Variants in APPL1 observed in about 807,000 individuals in gnomAD.
APPL1 encodes adaptor protein, phosphotyrosine interacting with PH domain and leucine zipper 1.
APPL1 carries 42 observed loss-of-function variants against 106.8 expected under a neutral mutation model. The observed-to-expected ratio is 0.39, with a 90% confidence interval of 0.31 to 0.51. The LOEUF (loss-of-function observed/expected upper bound fraction) is 0.51, where lower values mean the gene tolerates loss of function less well. Ranked by LOEUF, APPL1 falls within the 20% of genes least tolerant of loss-of-function variation. APPL1 has a pLI of 0.75. For missense variants in APPL1, 769 were observed against 858.2 expected (o/e 0.90, Z 1.30); for synonymous variants, 263 against 281.8 (o/e 0.93, Z 0.67).
At chr3:57,260,504 A>G in intron 18 of APPL1, 124 bp from the exon 19 acceptor site, 1 of 887,754 alleles carries the variant, frequency 1.1e-6, no homozygotes, top group South Asian at 3.1e-5. Context: ...CAAGTCTGTT[A>G]AAATAATTGG....
chr3:57,250,513 G>A (rs1484708216), intron 11 of APPL1, among the ~76,000 whole-genome samples: 1 of 152,102 alleles, frequency 6.6e-6, no homozygotes, highest in East Asian at 1.9e-4. Flanking sequence ...CATGGAAAAT[G>A]TAAAAAGGAG....
At chr3:57,235,238 T>C (rs1445377067) in intron 1 of APPL1, among the ~76,000 whole-genome samples, 2 of 152,224 alleles carry the variant, frequency 1.3e-5, no homozygotes, top group African/African-American at 2.4e-5. Flanking sequence ...AAAATATTTA[T>C]ACTACATGGA....
At chr3:57,243,890 A>G (rs936999536) in intron 7 of APPL1, among the ~76,000 whole-genome samples, 2 of 152,150 alleles carry the variant, frequency 1.3e-5, no homozygotes, top group African/African-American at 4.8e-5. Flanking sequence ...TGAGCACCTA[A>G]TATACGTCAA....
intron 16 of APPL1, among the ~76,000 whole-genome samples, chr3:57,259,604 G>A (rs2060854696): frequency 6.6e-6 from 1 of 151,984 alleles, no homozygotes; most frequent in Non-Finnish European, 1.5e-5. Context: ...CCTCAGAACT[G>A]CCAGTTGTTG....
rs2060959324 is a variant in APPL1, at chr3:57,273,302, G to A, written c.*3615G>A. On this transcript the variant is annotated 3_prime_UTR_variant, in exon 22 of 22. Transcript: ENST00000288266. The stretch of plus-strand genomic sequence containing the variant: ...GTTTCACTTTAGAATTGGATTTGAA[G>A]AACTCGACTTTATGTGATCATGGTA... 1 of 152,596 alleles carries A rather than the reference G, an allele frequency of 6.6e-6. No individual in the cohort carries two copies. Among genetic ancestry groups the A allele is most frequent in the Non-Finnish European group, 1.5e-5 (1 of 68,026 alleles). 9.5% of individuals were successfully genotyped at this position (152,596 alleles called of 1,614,324 possible).
chr3:57,242,399 T>C (rs2060751397), intron 6 of APPL1, among the ~76,000 whole-genome samples: 1 of 152,136 alleles, frequency 6.6e-6, no homozygotes, highest in African/African-American at 2.4e-5. Flanking sequence ...CTTCTTGTTC[T>C]TTTATATATC....
At chr3:57,260,431 A>C (rs2060859069) in intron 18 of APPL1, 197 bp from the exon 19 acceptor site, 1 of 555,036 alleles carries the variant, frequency 1.8e-6, no homozygotes, top group Admixed American at 3.8e-5. Context: ...CAAATGTAAT[A>C]TTCAACAACC....
chr3:57,236,406 G>A (rs2060717051), intron 2 of APPL1, among the ~76,000 whole-genome samples: 1 of 149,298 alleles, frequency 6.7e-6, no homozygotes, highest in Non-Finnish European at 1.5e-5. Flanking sequence ...TCAGCTCACT[G>A]CACCCTCCAC....
intron 7 of APPL1, among the ~76,000 whole-genome samples, chr3:57,245,705 G>A (rs2060770061): frequency 6.6e-6 from 1 of 151,940 alleles, no homozygotes; most frequent in Non-Finnish European, 1.5e-5. Context: ...ACTGCACCTG[G>A]CTAATTTTTT....
intron 20 of APPL1, chr3:57,268,118 C>T (rs1222387667): frequency 6.5e-6 from 3 of 460,292 alleles, no homozygotes; most frequent in Non-Finnish European, 7.6e-6. Flanking sequence ...ATCCAAGATG[C>T]TTGATTTTCC....
chr3:57,265,742 T>G (rs1213276608), intron 19 of APPL1, among the ~76,000 whole-genome samples: 1 of 152,160 alleles, frequency 6.6e-6, no homozygotes, highest in Non-Finnish European at 1.5e-5. Context: ...ATGCCTTTTT[T>G]CCTCTCTTAC....
rs1389716212 is a variant in APPL1, at chr3:57,227,767, G to C, written c.-117G>C. Reference sequence around the variant, plus strand: ...GCGCCTGGAGAAGGCTGTGCGGGCGGGGACGGCTGCAGCCCTTGCCGGAGA... The same window carrying C: ...GCGCCTGGAGAAGGCTGTGCGGGCGCGGACGGCTGCAGCCCTTGCCGGAGA... On this transcript the variant is annotated 5_prime_UTR_variant, in exon 1 of 22. Coordinates refer to ENST00000288266, the MANE Select transcript of APPL1 (RefSeq NM_012096.3). 1 of 862,610 alleles carries C rather than the reference G, an allele frequency of 1.2e-6. No homozygotes were observed. The highest frequency in any genetic ancestry group is 3.5e-5 in the East Asian group (1 of 28,450). 53.4% of individuals were successfully genotyped at this position (862,610 alleles called of 1,614,324 possible).
intron 4 of APPL1, among the ~76,000 whole-genome samples, chr3:57,239,101 G>A (rs1263859315): frequency 6.6e-6 from 1 of 152,160 alleles, no homozygotes; most frequent in African/African-American, 2.4e-5. Flanking sequence ...AAGTGAAAGG[G>A]GAACCTCTTA....
intron 12 of APPL1, among the ~76,000 whole-genome samples, 197 bp downstream of exon 12, chr3:57,252,508 G>T (rs192545720): frequency 2.6e-5 from 4 of 152,106 alleles, no homozygotes; most frequent in African/African-American, 9.7e-5. Context: ...TTTTATAGTG[G>T]GAGGGACCTT....
At chr3:57,261,933 A>AT (rs1319223115) in intron 19 of APPL1, among the ~76,000 whole-genome samples, 1 of 151,994 alleles carries the variant, frequency 6.6e-6, no homozygotes, top group African/African-American at 2.4e-5. Flanking sequence ...AACATCTGCT[A>AT]TTTTTTGTCT....
In APPL1 at chr3:57,268,402, G is replaced by T. The variant is rs138693457; in HGVS notation, c.1898G>T (p.Arg633Leu). The change falls in exon 21 of 22, where the codon CGT (arginine) becomes CTT (leucine). Residue 633 changes from arginine to leucine, a missense_variant. By Grantham distance (102) the Arg-to-Leu change is moderately radical. Transcript: ENST00000288266. Reference protein sequence around the residue: ...KQIALHAELDRRASEKQKEIE... With the variant: ...KQIALHAELDLRASEKQKEIE... ...TTTTATTCATCTGTTCTTTAGGATC[G>T]TAGGGCATCAGAAAAACAAAAAGAA... 1.3e-6 allele frequency: 2 copies of T among 1,570,960 alleles called. No homozygotes were observed. Among genetic ancestry groups the T allele is most frequent in the Admixed American group, 1.7e-5 (1 of 57,172 alleles).
chr3:57,259,374 G>A (rs904173123), intron 16 of APPL1, among the ~76,000 whole-genome samples: 4 of 152,148 alleles, frequency 2.6e-5, no homozygotes, highest in African/African-American at 9.7e-5. Context: ...TGGTACTGGA[G>A]CATAAATTTT....
At chr3:57,261,349 C>A (rs2060864267) in intron 19 of APPL1, among the ~76,000 whole-genome samples, 1 of 152,084 alleles carries the variant, frequency 6.6e-6, no homozygotes, top group Non-Finnish European at 1.5e-5. Flanking sequence ...TTTCTTTATT[C>A]ATTTATCTGT....
At position 57,248,198 on chromosome 3, in the gene APPL1, G is replaced by T. The variant is rs1398391392; in HGVS notation, c.710G>T (p.Arg237Leu). Reference sequence around the variant, plus strand: ...AATAATCTGTTCTGTGTCAGTGTTCGCAGGGAAATGGACAGTGATATAGAG... The same window carrying T: ...AATAATCTGTTCTGTGTCAGTGTTCTCAGGGAAATGGACAGTGATATAGAG... ...ANIGTSVQNV[R>L]REMDSDIETM... Residue 237 changes from arginine to leucine, a missense_variant, in exon 10 of 22, where the codon CGC (arginine) becomes CTC (leucine). Physicochemically the swap from Arg to Leu is moderately radical, Grantham distance 102 (BLOSUM62 -2). Transcript: ENST00000288266. The T allele has an allele frequency of 6.2e-7, 1 of 1,611,460 alleles. No individual in the cohort carries two copies. Among genetic ancestry groups the T allele is most frequent in the Non-Finnish European group, 8.5e-7 (1 of 1,178,688 alleles).
Sources: gnomAD v4.1 joint callset for allele counts (sites outside exome capture counted in the v4.1 genomes callset) on GRCh38, gnomAD v4.1.1 for gene constraint, MANE v1.5 for transcripts, NCBI Gene and HGNC (gene_info 2026-07-23, HGNC 2026-07-21) for gene names.